The following SPTBN2 variants were observed in gnomAD, a reference collection of about 807,000 sequenced individuals.
SPTBN2 encodes spectrin beta chain, non-erythrocytic 2.
SPTBN2 carries 107 observed loss-of-function variants against 284.2 expected under a neutral mutation model. The ratio of observed to expected loss-of-function variants is 0.38; its 90% CI spans 0.32 to 0.44. The LOEUF is 0.44. SPTBN2 is among the 20% of genes least tolerant of loss of function. The pLI is 1.00. For missense variants in SPTBN2, 2,569 were observed against 3,287.1 expected (o/e 0.78, Z 5.34); for synonymous variants, 1,289 against 1,354.8 (o/e 0.95, Z 1.07).
rs537079941 is a variant in SPTBN2, at chr11:66,704,223, C to T, written c.2678+375G>A. ...TCCTGACCTCGTGATCCGCCTGCCT[C>T]GGCCTCCCAAAGTGCTGGGATTACA... is the stretch of plus-strand genomic sequence containing the variant. On this transcript the variant is annotated intron_variant, in intron 15 of 37. Transcript: ENST00000533211. 1.2e-3 allele frequency among the ~76,000 whole-genome samples: 186 copies of T among 152,120 alleles called. 1 individual carries two copies. The highest frequency in any genetic ancestry group is 6.8e-3 in the Middle Eastern group (2 of 294).
chr11:66,715,868 G>T lies in SPTBN2; in HGVS notation c.271C>A (p.Leu91Met). The T allele has an allele frequency of 6.2e-7, 1 of 1,614,062 alleles. No individual in the cohort carries two copies. The highest frequency in any genetic ancestry group is 1.3e-5 in the African/African-American group (1 of 75,024). ...LYSDLRDGRN[L>M]LRLLEVLSGE... The stretch of plus-strand genomic sequence containing the variant: ...GAGAGCACCTCGAGGAGCCTCAGCA[G>T]GTTGCGTCCGTCCCGGAGGTCGCTG... The change falls in exon 4 of 38, where the codon CTG becomes ATG. Residue 91 changes from leucine (L) to methionine (M), a missense_variant. By Grantham distance (15) the Leu-to-Met change is conservative. Around this residue, in one of 6 missense-constraint regions of SPTBN2, gnomAD observed 304 missense variants for 522.1 expected, o/e 0.58. Coordinates refer to ENST00000533211, the MANE Select transcript of SPTBN2 (RefSeq NM_006946.4). This position sits in a 1 kb window ranked among gnomAD's most constrained non-coding sequence, Gnocchi z 5.3.
intron 20 of SPTBN2, among the ~76,000 whole-genome samples, chr11:66,698,260 T>G (rs1040726386): frequency 1.3e-5 from 2 of 152,196 alleles, no homozygotes; most frequent in East Asian, 3.8e-4. Context: ...ACGACAGAGA[T>G]GAGTAGTTGT....
rs1411979754 is a variant in SPTBN2 at position 66,688,902 on chromosome 11, G to C, written c.6035-53C>G. 6.9e-6 allele frequency: 11 copies of C among 1,589,328 alleles called. No individual in the cohort carries two copies. In the East Asian group the frequency reaches 2.5e-4, roughly 36 times the overall value. On this transcript the variant is annotated intron_variant, in intron 30 of 37. Transcript: ENST00000533211. ...TGGTGGGTCAGAGTGGCCACTGGCAGGGCACAGTGGCCATGGCAACCTCAA... is the reference window on the plus strand; with the variant it reads ...TGGTGGGTCAGAGTGGCCACTGGCACGGCACAGTGGCCATGGCAACCTCAA...
At chr11:66,714,280 T>A (rs762287194) in intron 6 of SPTBN2, 36 bp downstream of exon 6, 3 of 1,611,316 alleles carry the variant, frequency 1.9e-6, no homozygotes, top group Non-Finnish European at 2.5e-6. Flanking sequence ...TGGGGGTCAC[T>A]GACCCTCCAG....
At position 66,721,232 on chromosome 11, in the gene SPTBN2, G is replaced by A; in HGVS notation, c.9C>T (p.Ser3=). 6.2e-7 allele frequency: 1 copy of A among 1,614,220 alleles called. No individual in the cohort carries two copies. The highest frequency in any genetic ancestry group is 8.5e-7 in the Non-Finnish European group (1 of 1,180,042). ...TGTCAAAGTCTGTGGGTGACAGCGT[G>A]CTGCTCATGGTGGTAGGCGGCTTCC... MS[S]TLSPTDFDSL... Residue 3 remains serine (S), a synonymous_variant, in exon 3 of 38, where the codon AGC becomes AGT. Transcript: ENST00000533211.
At position 66,689,865 on chromosome 11, in the gene SPTBN2, G is replaced by A. The variant is rs1304081132; in HGVS notation, c.5889C>T (p.Phe1963=). The A allele has an allele frequency of 5.6e-6, 9 of 1,614,178 alleles. No individual in the cohort carries two copies. The highest frequency in any genetic ancestry group is 6.8e-6 in the Non-Finnish European group (8 of 1,180,034). Residue 1963 remains phenylalanine (F), a synonymous_variant, in exon 29 of 38, where the codon TTC becomes TTT. Transcript: ENST00000533211. ...CCTTCCCCATGTCGATGCAGGAGGA[G>A]AAGCGGTCTGCCCGGGCCTCTATCT... is the stretch of plus-strand genomic sequence containing the variant. ...KAEIEARADR[F]SSCIDMGKEL...
Position 66,707,827 on chromosome 11 carries a change from G to T in SPTBN2, c.1351-9C>A. ...TCCAGCCCAAAGTTGTCCTGTGTCG[G>T]GGGCAGGGAGAGGAGGTGTGGGGAC... On this transcript the variant is annotated splice_polypyrimidine_tract_variant and intron_variant, in intron 12 of 37. Coordinates refer to ENST00000533211, the MANE Select transcript of SPTBN2 (RefSeq NM_006946.4). This position sits in a 1 kb window ranked among gnomAD's most constrained non-coding sequence, Gnocchi z 4.9. 1 of 1,607,356 alleles carries T rather than the reference G, an allele frequency of 6.2e-7. No homozygotes were observed.
In SPTBN2 at chr11:66,709,028, G is replaced by A. The variant is rs371283490; in HGVS notation, c.1074-9C>T. ...TCCCTTTCTCGGTAAACCTGAGGCA[G>A]GAGGCCGGGTTGGGGTCAGAATTAA... On this transcript the variant is annotated splice_polypyrimidine_tract_variant and intron_variant, in intron 10 of 37. Transcript: ENST00000533211. The A allele has an allele frequency of 1.3e-5, 21 of 1,612,956 alleles. No individual in the cohort carries two copies. In the African/African-American group the frequency reaches 2.7e-4, roughly 21 times the overall value.
rs757808236 is a variant in SPTBN2 at position 66,687,663 on chromosome 11, T to C, written c.6502-16A>G. 2 of 1,583,050 alleles carry C rather than the reference T, an allele frequency of 1.3e-6. No homozygotes were observed. Among genetic ancestry groups the C allele is most frequent in the Non-Finnish European group, 1.7e-6 (2 of 1,164,600 alleles). Reference sequence around the variant, plus strand: ...AGCCAGGTCCCTGGGGGGGAATCAGTGTCAGTGTCAAAGGTTGAGACGGGA... The same window carrying C: ...AGCCAGGTCCCTGGGGGGGAATCAGCGTCAGTGTCAAAGGTTGAGACGGGA... On this transcript the variant is annotated splice_polypyrimidine_tract_variant and intron_variant, in intron 34 of 37. Transcript: ENST00000533211. This position sits in a 1 kb window ranked among gnomAD's most constrained non-coding sequence, Gnocchi z 5.2.
Position 66,718,850 on chromosome 11 carries a change from C to T in SPTBN2, c.157+2234G>A, listed in dbSNP as rs1412068523. On this transcript the variant is annotated intron_variant, in intron 3 of 37. Coordinates refer to ENST00000533211, the MANE Select transcript of SPTBN2 (RefSeq NM_006946.4). The surrounding 1 kb of genome is among the most constrained non-coding windows in gnomAD (Gnocchi z 4.8). ...GTGAGAGGAGACAGGCGGCTCCAGA[C>T]AAACAGGTTGGACAGTGTTGGGGAG... Among the ~76,000 whole-genome samples, 1 of 152,230 alleles carries T rather than the reference C, an allele frequency of 6.6e-6. No homozygotes were observed. Among genetic ancestry groups the T allele is most frequent in the Non-Finnish European group, 1.5e-5 (1 of 68,040 alleles).
At position 66,707,449 on chromosome 11, in the gene SPTBN2, C is replaced by T. The variant is rs1941619935; in HGVS notation, c.1653+67G>A. On this transcript the variant is annotated intron_variant, in intron 13 of 37. Coordinates refer to ENST00000533211, the MANE Select transcript of SPTBN2 (RefSeq NM_006946.4). The surrounding 1 kb of genome is among the most constrained non-coding windows in gnomAD (Gnocchi z 4.9). Reference sequence around the variant, plus strand: ...GAGATCGGCCGAGCAGACGGGCGGACGCACCCACTGTGGGGCCCCCTCGAC... The same window carrying T: ...GAGATCGGCCGAGCAGACGGGCGGATGCACCCACTGTGGGGCCCCCTCGAC... The T allele has an allele frequency of 7.3e-6, 11 of 1,507,094 alleles. No individual in the cohort carries two copies. Among genetic ancestry groups the T allele is most frequent in the South Asian group, 3.6e-5 (3 of 82,606 alleles). 93.4% of individuals were successfully genotyped at this position (1,507,094 alleles called of 1,614,324 possible). A position where few individuals can be genotyped will look rare whatever the true frequency, so the allele number is the denominator to read the frequency against.
Position 66,700,075 on chromosome 11 carries a change from C to T in SPTBN2, c.3573+451G>A, listed in dbSNP as rs1311336965. On this transcript the variant is annotated intron_variant, in intron 17 of 37. Coordinates refer to ENST00000533211, the MANE Select transcript of SPTBN2 (RefSeq NM_006946.4). The surrounding 1 kb of genome is among the most constrained non-coding windows in gnomAD (Gnocchi z 6.6). ...GGCTCCAGTGATCCACCAGCCTCAG[C>T]CTCCCCAGTAGCTGGAGCTACAGGC... 6.6e-6 allele frequency among the ~76,000 whole-genome samples: 1 copy of T among 151,916 alleles called. No individual in the cohort carries two copies. Among genetic ancestry groups the T allele is most frequent in the African/African-American group, 2.4e-5 (1 of 41,348 alleles).
chr11:66,734,843 T>A (rs1469249744), intron 1 of SPTBN2, among the ~76,000 whole-genome samples: 1 of 152,190 alleles, frequency 6.6e-6, no homozygotes, highest in Non-Finnish European at 1.5e-5. Context: ...TGAAACAAAA[T>A]GTTTTCATAT....
In SPTBN2 at chr11:66,740,030, C is replaced by A. The variant is rs148667554; in HGVS notation, c.-475+4512G>T. Among the ~76,000 whole-genome samples the A allele has an allele frequency of 5.3e-4, 81 of 151,738 alleles. 1 individual carries two copies. The highest frequency in any genetic ancestry group is 1.9e-3 in the African/African-American group (78 of 41,386). Reference sequence around the variant, plus strand: ...CCAGGCAACAAGAACAAAACTCCTTCAAAAAAAAGCCAGTTACACAGGGCA... The same window carrying A: ...CCAGGCAACAAGAACAAAACTCCTTAAAAAAAAAGCCAGTTACACAGGGCA... On this transcript the variant is annotated intron_variant, in intron 1 of 37. Transcript: ENST00000611817.
intron 27 of SPTBN2, 61 bp from the exon 28 acceptor site, chr11:66,690,344 T>A (rs1217997374): frequency 6.7e-7 from 1 of 1,496,202 alleles, no homozygotes; most frequent in African/African-American, 1.4e-5. Context: ...GCAGCCTGCC[T>A]CAGTCCTGGC....
chr11:66,686,572 C>T (rs562412363), intron 36 of SPTBN2, 132 bp from the exon 37 acceptor site: 36 of 960,112 alleles, frequency 3.7e-5, no homozygotes, highest in Middle Eastern at 3.1e-4. Flanking sequence ...GGACCAGACA[C>T]GCTCTGCACA....
Position 66,728,812 on chromosome 11 carries a change from G to T in SPTBN2, c.-185C>A, listed in dbSNP as rs1260050961. ...ACGCGATCCTTCCTCTAATGACACT[G>T]CCGACGAGGTTTCCCGAGATCCAGC... On this transcript the variant is annotated 5_prime_UTR_variant, in exon 1 of 38. Transcript: ENST00000533211. The T allele has an allele frequency of 6.6e-6, 1 of 151,590 alleles. No individual in the cohort carries two copies. The highest frequency in any genetic ancestry group is 1.5e-5 in the Non-Finnish European group (1 of 67,930). The allele number at this position is 151,590 out of a possible 1,614,324, so 9.4% of individuals were successfully genotyped here.
rs752447019 is a variant in SPTBN2, at chr11:66,715,804, C to G, written c.309+26G>C. The G allele has an allele frequency of 2.4e-5, 39 of 1,613,098 alleles. No homozygotes were observed. In the African/African-American group the frequency reaches 4.8e-4, roughly 20 times the overall value. On this transcript the variant is annotated intron_variant, in intron 4 of 37. Coordinates refer to ENST00000533211, the MANE Select transcript of SPTBN2 (RefSeq NM_006946.4). The surrounding 1 kb of genome is among the most constrained non-coding windows in gnomAD (Gnocchi z 5.3). The stretch of plus-strand genomic sequence containing the variant: ...CTTGGACACTTTTCTAAGGCCCCCC[C>G]ACTTCCCTTCATGACCACAGCTCAC...
intron 29 of SPTBN2, 93 bp downstream of exon 29, chr11:66,689,712 C>G (rs1940403337): frequency 6.3e-7 from 1 of 1,578,936 alleles, no homozygotes; most frequent in African/African-American, 1.3e-5. Flanking sequence ...AGGTTTCTTG[C>G]AAAGAGAGAA....
Sources: gnomAD v4.1 joint callset for allele counts (sites outside exome capture counted in the v4.1 genomes callset) on GRCh38, gnomAD v4.1.1 for gene constraint, gnomAD v4.1.1 regional missense constraint, Gnocchi (gnomAD v3.1) non-coding constraint, MANE v1.5 for transcripts, NCBI Gene and HGNC (gene_info 2026-07-23, HGNC 2026-07-21) for gene names.